Variants in GALNTL6 observed in about 807,000 individuals in gnomAD.
GALNTL6 encodes polypeptide N-acetylgalactosaminyltransferase like 6.
Under a neutral mutation model 73.7 loss-of-function variants are expected in GALNTL6, and 46 were observed. That is an observed-to-expected ratio of 0.62 (90% CI 0.49 to 0.80). The LOEUF is 0.80. Among genes scored for constraint, GALNTL6 ranks in the 30% least tolerant of loss-of-function variants. The probability of loss-of-function intolerance (pLI) is 0.00; values close to 1 mark genes in which losing one functional copy is unlikely to be tolerated. For synonymous variants in GALNTL6, 259 were observed against 263.7 expected (o/e 0.98, Z 0.17); for missense variants, 604 against 755.0 (o/e 0.80, Z 2.34).
intron 2 of GALNTL6, among the ~76,000 whole-genome samples, chr4:172,192,730 G>C (rs1236461542): frequency 6.6e-6 from 1 of 152,228 alleles, no homozygotes; most frequent in Middle Eastern, 3.2e-3. Flanking sequence ...TCCAAGCACA[G>C]AGCTGTGCAG....
At chr4:172,226,707 C>T (rs1317943463) in intron 2 of GALNTL6, among the ~76,000 whole-genome samples, 3 of 151,786 alleles carry the variant, frequency 2.0e-5, no homozygotes. Context: ...TACCATTTTG[C>T]CACCTCTCTG....
intron 8 of GALNTL6, among the ~76,000 whole-genome samples, chr4:172,883,712 A>C (rs982842027): frequency 2.6e-5 from 4 of 152,144 alleles, no homozygotes; most frequent in Non-Finnish European, 4.4e-5. Context: ...GTACTATCAA[A>C]TACTAGAACT....
At chr4:172,839,975 A>T (rs754071988) in intron 7 of GALNTL6, among the ~76,000 whole-genome samples, 17 of 152,232 alleles carry the variant, frequency 1.1e-4, no homozygotes, top group Non-Finnish European at 1.9e-4. Context: ...TAGTTGTCTT[A>T]CCCTATAGAG....
At chr4:172,985,754 A>G (rs1435806158) in intron 10 of GALNTL6, among the ~76,000 whole-genome samples, 2 of 152,232 alleles carry the variant, frequency 1.3e-5, no homozygotes, top group Non-Finnish European at 2.9e-5. Flanking sequence ...AGACCAGATG[A>G]GCCAGTTTAC....
chr4:172,030,159 C>T (rs1036011872), intron 2 of GALNTL6, among the ~76,000 whole-genome samples: 1 of 152,000 alleles, frequency 6.6e-6, no homozygotes, highest in African/African-American at 2.4e-5. Context: ...ATTACCATTC[C>T]ACCACATTGC....
At chr4:173,013,221 G>T (rs752354474) in intron 11 of GALNTL6, among the ~76,000 whole-genome samples, 10 of 152,164 alleles carry the variant, frequency 6.6e-5, no homozygotes, top group Non-Finnish European at 1.3e-4. Context: ...CAAGAGAGAA[G>T]GCTTTAGAAG....
At chr4:172,889,990 G>A (rs1745942556) in intron 8 of GALNTL6, among the ~76,000 whole-genome samples, 1 of 152,008 alleles carries the variant, frequency 6.6e-6, no homozygotes. Flanking sequence ...GGGAGTCTGT[G>A]TACTTCCAGG....
At chr4:172,677,925 TG>T (rs1560874289) in intron 5 of GALNTL6, among the ~76,000 whole-genome samples, 4 of 151,910 alleles carry the variant, frequency 2.6e-5, no homozygotes, top group Non-Finnish European at 4.4e-5. Flanking sequence ...ATGTAATAGC[TG>T]GAGCAAATGT....
intron 2 of GALNTL6, among the ~76,000 whole-genome samples, chr4:171,944,606 A>G (rs1300270756): frequency 5.3e-5 from 8 of 152,006 alleles, no homozygotes; most frequent in Non-Finnish European, 1.0e-4. Context: ...ATATTTATTG[A>G]TTTAGTATAA....
chr4:172,915,899 G>A (rs1227345063), intron 8 of GALNTL6, among the ~76,000 whole-genome samples: 1 of 152,156 alleles, frequency 6.6e-6, no homozygotes, highest in African/African-American at 2.4e-5. Context: ...CATTTTATGA[G>A]GCCAGCATCA....
intron 5 of GALNTL6, among the ~76,000 whole-genome samples, chr4:172,595,521 C>A (rs557872490): frequency 2.0e-5 from 3 of 152,106 alleles, no homozygotes; most frequent in Non-Finnish European, 4.4e-5. Flanking sequence ...TTCCTCTAAT[C>A]CAGAGCAATA....
At chr4:172,352,839 G>T (rs917756339) in intron 5 of GALNTL6, among the ~76,000 whole-genome samples, 2 of 151,954 alleles carry the variant, frequency 1.3e-5, no homozygotes, top group Non-Finnish European at 2.9e-5. Context: ...ACAGAAAAGG[G>T]AAGTAGTTGA....
At chr4:172,199,970 A>G (rs968173563) in intron 2 of GALNTL6, among the ~76,000 whole-genome samples, 1 of 152,188 alleles carries the variant, frequency 6.6e-6, no homozygotes, top group African/African-American at 2.4e-5. Context: ...CCCTTAAAAA[A>G]CATCATTCCA....
At chr4:172,063,630 C>A (rs1731273011) in intron 2 of GALNTL6, among the ~76,000 whole-genome samples, 1 of 152,112 alleles carries the variant, frequency 6.6e-6, no homozygotes, top group African/African-American at 2.4e-5. Flanking sequence ...CTACTTAAAG[C>A]AGGTCCCATC....
intron 8 of GALNTL6, among the ~76,000 whole-genome samples, chr4:172,891,428 T>C (rs577010013): frequency 6.6e-6 from 1 of 152,334 alleles, no homozygotes; most frequent in South Asian, 2.1e-4. Flanking sequence ...CTTGAGGGGA[T>C]ATAAAATTCT....
chr4:172,343,434 C>A (rs1226624575), intron 4 of GALNTL6, among the ~76,000 whole-genome samples: 1 of 152,118 alleles, frequency 6.6e-6, no homozygotes, highest in Non-Finnish European at 1.5e-5. Context: ...ACTAAAGTAT[C>A]TCTTTTAGAC....
intron 11 of GALNTL6, among the ~76,000 whole-genome samples, chr4:173,013,611 C>T (rs187216062): frequency 3.2e-4 from 49 of 151,020 alleles, no homozygotes; most frequent in Admixed American, 2.2e-3. Flanking sequence ...ATCTATGGCC[C>T]GTAATTCAAG....
At chr4:172,879,077 A>C (rs1237467770) in intron 7 of GALNTL6, among the ~76,000 whole-genome samples, 5 of 151,880 alleles carry the variant, frequency 3.3e-5, no homozygotes, top group African/African-American at 9.7e-5. Context: ...ACAACAACAA[A>C]AAAGCCTGAA....
At chr4:171,949,911 C>T (rs7658850) in intron 2 of GALNTL6, among the ~76,000 whole-genome samples, 2,991 of 152,016 alleles carry the variant, frequency 0.02, 99 homozygotes, top group African/African-American at 0.069. Flanking sequence ...GAGGTTTGGG[C>T]GGGGACAATA....
Sources: gnomAD v4.1 joint callset for allele counts (sites outside exome capture counted in the v4.1 genomes callset) on GRCh38, gnomAD v4.1.1 for gene constraint, MANE v1.5 for transcripts, NCBI Gene and HGNC (gene_info 2026-07-23, HGNC 2026-07-21) for gene names.